LIPE: variants seen among roughly 807,000 people sequenced by gnomAD.
LIPE encodes the protein lipase E, hormone sensitive type, also known as hormone-sensitive lipase.
Under a neutral mutation model 88.5 loss-of-function variants are expected in LIPE, and 66 were observed. The ratio of observed to expected loss-of-function variants is 0.75; its 90% CI spans 0.61 to 0.91. LIPE has a LOEUF of 0.91. Ranked by LOEUF, LIPE falls within the 40% of genes least tolerant of loss-of-function variation. LIPE has a pLI of 0.00. For missense variants in LIPE, 1,346 were observed against 1,434.7 expected, an observed-to-expected ratio of 0.94 and a Z score of 1.00; for synonymous variants, 570 against 617.5, an observed-to-expected ratio of 0.92 and a Z score of 1.14.
rs2040257077 is a variant in LIPE at position 42,408,330 on chromosome 19, G to A, written c.1420-8C>T. 1.2e-6 allele frequency: 2 copies of A among 1,612,584 alleles called. No individual in the cohort carries two copies. Among genetic ancestry groups the A allele is most frequent in the South Asian group, 1.1e-5 (1 of 91,052 alleles). On this transcript the variant is annotated splice_region_variant and splice_polypyrimidine_tract_variant and intron_variant, in intron 2 of 9. Coordinates refer to ENST00000244289, the MANE Select transcript of LIPE (RefSeq NM_005357.4). The surrounding 1 kb of genome is among the most constrained non-coding windows in gnomAD (Gnocchi z 4.3). Reference sequence around the variant, plus strand: ...CCGGATGGCAGGCGTGAACTGTGGAGAGACGCGGCTGCGTCACCCACCGCT... The same window carrying A: ...CCGGATGGCAGGCGTGAACTGTGGAAAGACGCGGCTGCGTCACCCACCGCT...
chr19:42,404,065 C>G (rs2040086150), intron 8 of LIPE, among the ~76,000 whole-genome samples: 2 of 138,724 alleles, frequency 1.4e-5, no homozygotes, highest in African/African-American at 5.3e-5. Context: ...TAGTTTTTTA[C>G]TTTTTTTTTT....
intron 1 of LIPE, among the ~76,000 whole-genome samples, chr19:42,413,478 A>G (rs1389501788): frequency 6.6e-6 from 1 of 152,210 alleles, no homozygotes; most frequent in Non-Finnish European, 1.5e-5. Context: ...ATCCTGGCTA[A>G]CACGGTGAAA....
In LIPE at chr19:42,426,769, C is replaced by T. The variant is rs34080774; in HGVS notation, c.381G>A (p.Gln127=). The change falls in exon 1 of 10, where the codon CAG becomes CAA. Residue 127 remains glutamine (Q), a synonymous_variant. Transcript: ENST00000244289. ...CATGTCTTTGTCTCAATGCTGGCTCCTGTTGAGTTATAGATTCTTTTCCTA... is the reference window on the plus strand; with the variant it reads ...CATGTCTTTGTCTCAATGCTGGCTCTTGTTGAGTTATAGATTCTTTTCCTA... ...PGLGKESITQ[Q]EPALRQRHVA... The T allele has an allele frequency of 6.2e-7, 1 of 1,614,044 alleles. No individual in the cohort carries two copies. The highest frequency in any genetic ancestry group is 1.7e-5 in the Admixed American group (1 of 60,002).
At chr19:42,423,511 G>A (rs758392002) in intron 1 of LIPE, 3 of 1,273,664 alleles carry the variant, frequency 2.4e-6, no homozygotes, top group South Asian at 1.3e-5. Flanking sequence ...GGCCTCGGCG[G>A]GCTCCGTTCC....
intron 1 of LIPE, among the ~76,000 whole-genome samples, chr19:42,421,412 A>C (rs910116294): frequency 6.6e-6 from 1 of 152,060 alleles, no homozygotes. Context: ...TCTCAATTCT[A>C]TCTTCCCAGG....
In LIPE at chr19:42,402,044, G is replaced by A. The variant is rs770169189; in HGVS notation, c.2999C>T (p.Ser1000Leu). 73 of 1,525,748 alleles carry A rather than the reference G, an allele frequency of 4.8e-5. No homozygotes were observed. The highest frequency in any genetic ancestry group is 6.2e-5 in the Non-Finnish European group (71 of 1,136,156). The allele number at this position is 1,525,748 out of a possible 1,614,324, so 94.5% of individuals were successfully genotyped here. Reference protein sequence around the residue: ...ACALDPMLDDSVMLARRLRNL... With the variant: ...ACALDPMLDDLVMLARRLRNL... Reference sequence around the variant, plus strand: ...GCGCAGTCGCCGCGCGAGCATGACCGAGTCGTCCAGCATGGGGTCCAGCGC... The same window carrying A: ...GCGCAGTCGCCGCGCGAGCATGACCAAGTCGTCCAGCATGGGGTCCAGCGC... Residue 1000 changes from serine (S) to leucine (L), a missense_variant, in exon 10 of 10, where the codon TCG becomes TTG. By Grantham distance (145) the Ser-to-Leu change is moderately radical (BLOSUM62 -2). Coordinates refer to ENST00000244289, the MANE Select transcript of LIPE (RefSeq NM_005357.4).
chr19:42,401,835 CGT>C lies in LIPE; in HGVS notation c.3206_3207del (p.Asp1069GlyfsTer21). On this transcript the variant is annotated frameshift_variant, in exon 10 of 10. Coordinates refer to ENST00000244289, the MANE Select transcript of LIPE (RefSeq NM_005357.4). LOFTEE classifies it high-confidence loss of function. Reference protein sequence around the residue: ...PSGETGAAGVDGGCGGRH With the variant: ...PSGETGAAGVXGGCGGRH ...TTTTAGTGTCGCCCCCCGCAGCCCCCGTCTACCCCCGCAGCCCCCGTCTCCCC... is the reference window on the plus strand; with the variant it reads ...TTTTAGTGTCGCCCCCCGCAGCCCCCCTACCCCCGCAGCCCCCGTCTCCCC... 2 of 1,498,138 alleles carry C rather than the reference CGT, an allele frequency of 1.3e-6. No individual in the cohort carries two copies. The highest frequency in any genetic ancestry group is 1.8e-6 in the Non-Finnish European group (2 of 1,126,352). 92.8% of individuals were successfully genotyped at this position (1,498,138 alleles called of 1,614,324 possible).
rs1271256129 is a variant in LIPE, at chr19:42,407,206, T to C, written c.2105A>G (p.Tyr702Cys). 13 of 1,543,866 alleles carry C rather than the reference T, an allele frequency of 8.4e-6. No individual in the cohort carries two copies. The highest frequency in any genetic ancestry group is 1.4e-5 in the African/African-American group (1 of 73,114). Reference sequence around the variant, plus strand: ...GGCGCAGTGCTTGATGGCCCAGCAGTAGGCGAAGAAGCACTCCTCCAGCGC... The same window carrying C: ...GGCGCAGTGCTTGATGGCCCAGCAGCAGGCGAAGAAGCACTCCTCCAGCGC... Reference protein sequence around the residue: ...PRALEECFFAYCWAIKHCALL... With the variant: ...PRALEECFFACCWAIKHCALL... Residue 702 changes from tyrosine (Y) to cysteine (C), a missense_variant, in exon 6 of 10, where the codon TAC (tyrosine) becomes TGC (cysteine). Physicochemically the swap from Tyr to Cys is radical, Grantham distance 194. Coordinates refer to ENST00000244289, the MANE Select transcript of LIPE (RefSeq NM_005357.4). The surrounding 1 kb of genome is among the most constrained non-coding windows in gnomAD (Gnocchi z 5.8).
At position 42,424,241 on chromosome 19, in the gene LIPE, G is replaced by T. The variant is rs1054213020; in HGVS notation, c.883+2026C>A. ...TGGTAGGAGAACGCTCGGCGCCTGC[G>T]CACTAGCTTCAGGCCGCGGGCCGGC... On this transcript the variant is annotated intron_variant, in intron 1 of 9. Coordinates refer to ENST00000244289, the MANE Select transcript of LIPE (RefSeq NM_005357.4). 37 of 651,604 alleles carry T rather than the reference G, an allele frequency of 5.7e-5. No individual in the cohort carries two copies. In the African/African-American group the frequency reaches 6.7e-4, roughly 12 times the overall value. 40.4% of individuals were successfully genotyped at this position (651,604 alleles called of 1,614,324 possible). A position where few individuals can be genotyped will look rare whatever the true frequency, so the allele number is the denominator to read the frequency against.
chr19:42,420,390 A>G (rs1424749921), intron 1 of LIPE, among the ~76,000 whole-genome samples: 3 of 152,024 alleles, frequency 2.0e-5, no homozygotes, highest in Admixed American at 2.0e-4. Flanking sequence ...ATTTGAAGGT[A>G]TGAATGTTTG....
At chr19:42,417,309 G>A (rs1182877825) in intron 1 of LIPE, among the ~76,000 whole-genome samples, 1 of 152,114 alleles carries the variant, frequency 6.6e-6, no homozygotes. Context: ...ACCTGGGCTG[G>A]AGTGTAGTGG....
rs766156677 is a variant in LIPE at position 42,403,050 on chromosome 19, A to G, written c.2543-19T>C. 6 of 1,525,692 alleles carry G rather than the reference A, an allele frequency of 3.9e-6. No individual in the cohort carries two copies. In the East Asian group the frequency reaches 1.1e-4, roughly 29 times the overall value. 94.5% of individuals were successfully genotyped at this position (1,525,692 alleles called of 1,614,324 possible). A position where few individuals can be genotyped will look rare whatever the true frequency, so the allele number is the denominator to read the frequency against. On this transcript the variant is annotated intron_variant, in intron 8 of 9. Transcript: ENST00000244289. ...ATCGGCTCTGAGAGAGGGAGAGCAG[A>G]TAGGCCTGGCTCCGTTAGTTTGGTT...
intron 1 of LIPE, among the ~76,000 whole-genome samples, chr19:42,418,768 TTG>T (rs1326892783): frequency 6.6e-6 from 1 of 152,184 alleles, no homozygotes; most frequent in Admixed American, 6.5e-5. Flanking sequence ...ACCAACAAAT[TTG>T]TGTGACTCAC....
In LIPE at chr19:42,402,978, G is replaced by A; in HGVS notation, c.2596C>T (p.Leu866=). The A allele has an allele frequency of 1.2e-6, 2 of 1,603,028 alleles. No individual in the cohort carries two copies. The highest frequency in any genetic ancestry group is 1.7e-6 in the Non-Finnish European group (2 of 1,178,022). ...EAALAQPQGP[L]GTDSLKNLTL... is the part of the protein sequence containing the mutation. ...AGGTTCTTGAGGGAATCCGTGCCCA[G>A]TGGGCCCTGGGGCTGGGCCAGTGCT... Residue 866 remains leucine (L), a synonymous_variant, in exon 9 of 10, where the codon CTG becomes TTG. Transcript: ENST00000244289.
rs753608203 is a variant in LIPE at position 42,407,389 on chromosome 19, G to T, written c.1922C>A (p.Pro641His). 1 of 1,613,612 alleles carries T rather than the reference G, an allele frequency of 6.2e-7. No homozygotes were observed. Among genetic ancestry groups the T allele is most frequent in the African/African-American group, 1.3e-5 (1 of 74,894 alleles). ...LELWPRPQQA[P>H]RSRSLIVHFH... ...GTGCACTATCAGGGACCGCGAGCGG[G>T]GTGCCTGCTGGGGGCGCGGCCACAG... The change falls in exon 6 of 10, where the codon CCC becomes CAC. Residue 641 changes from proline (P) to histidine (H), a missense_variant. Pro to His is a moderately conservative substitution (Grantham distance 77, BLOSUM62 -2). Transcript: ENST00000244289. This position sits in a 1 kb window ranked among gnomAD's most constrained non-coding sequence, Gnocchi z 5.8.
intron 1 of LIPE, chr19:42,423,970 A>G (rs1217734292): frequency 3.4e-6 from 4 of 1,164,270 alleles, no homozygotes; most frequent in South Asian, 1.7e-5. Flanking sequence ...CCGCCTTTTG[A>G]AGGGGGAAAG....
In LIPE at chr19:42,408,184, A is replaced by G; in HGVS notation, c.1510+48T>C. ...TCAGGCTGCTTGGGCAGGAGTGGGG[A>G]GGAGGGCCAAGAGAGTAGGCTGCGA... On this transcript the variant is annotated intron_variant, in intron 3 of 9. Coordinates refer to ENST00000244289, the MANE Select transcript of LIPE (RefSeq NM_005357.4). The surrounding 1 kb of genome is among the most constrained non-coding windows in gnomAD (Gnocchi z 4.3). 6.2e-7 allele frequency: 1 copy of G among 1,611,312 alleles called. No individual in the cohort carries two copies. The highest frequency in any genetic ancestry group is 8.5e-7 in the Non-Finnish European group (1 of 1,179,710).
At position 42,427,192 on chromosome 19, in the gene LIPE, CCTT is replaced by C; in HGVS notation, c.-46_-44del. 6.5e-7 allele frequency: 1 copy of C among 1,533,788 alleles called. No individual in the cohort carries two copies. The highest frequency in any genetic ancestry group is 8.7e-7 in the Non-Finnish European group (1 of 1,146,388). ...GAGATATTGATCTTCCAGGTTCTAT[CCTT>C]CTGGGCTCCCACCCAGCCCTCTCTC... On this transcript the variant is annotated 5_prime_UTR_variant, in exon 1 of 10. Coordinates refer to ENST00000244289, the MANE Select transcript of LIPE (RefSeq NM_005357.4).
At chr19:42,403,465 T>TTTTTA in intron 8 of LIPE, among the ~76,000 whole-genome samples, 1 of 151,204 alleles carries the variant, frequency 6.6e-6, no homozygotes, top group African/African-American at 2.4e-5. Flanking sequence ...TTTTTTTTTT[T>TTTTTA]GAGACAAAGT....
Sources: gnomAD v4.1 joint callset for allele counts (sites outside exome capture counted in the v4.1 genomes callset) on GRCh38, gnomAD v4.1.1 for gene constraint, Gnocchi (gnomAD v3.1) non-coding constraint, MANE v1.5 for transcripts, NCBI Gene and HGNC (gene_info 2026-07-23, HGNC 2026-07-21) for gene names.